The following ENPP2 variants were observed in gnomAD, a reference collection of about 807,000 sequenced individuals.
The protein encoded by ENPP2 is ectonucleotide pyrophosphatase/phosphodiesterase 2, also known as autotaxin.
ENPP2 carries 51 observed loss-of-function variants against 120.2 expected under a neutral mutation model. The ratio of observed to expected loss-of-function variants is 0.42; its 90% CI spans 0.34 to 0.54. The LOEUF (loss-of-function observed/expected upper bound fraction) is 0.54, where lower values mean the gene tolerates loss of function less well. Among genes scored for constraint, ENPP2 ranks in the 20% least tolerant of loss-of-function variants. The pLI is 0.04. For missense variants in ENPP2, 920 were observed against 1,066.5 expected, an observed-to-expected ratio of 0.86 and a Z score of 1.91; for synonymous variants, 365 against 366.4, an observed-to-expected ratio of 1.00 and a Z score of 0.04.
At chr8:119,594,667 C>T (rs1054236097) in intron 11 of ENPP2, among the ~76,000 whole-genome samples, 1 of 152,178 alleles carries the variant, frequency 6.6e-6, no homozygotes, top group African/African-American at 2.4e-5. Flanking sequence ...TAGAGGCTCT[C>T]CATCCCCCTT....
intron 4 of ENPP2, among the ~76,000 whole-genome samples, chr8:119,620,488 G>A (rs1815812306): frequency 6.6e-6 from 1 of 152,124 alleles, no homozygotes; most frequent in South Asian, 2.1e-4. Context: ...ACATATTGCA[G>A]AAGTAACTTG....
intron 1 of ENPP2, among the ~76,000 whole-genome samples, chr8:119,644,283 A>G (rs1413154919): frequency 6.6e-6 from 1 of 151,988 alleles, no homozygotes; most frequent in Admixed American, 6.6e-5. Flanking sequence ...GACAGCTTAC[A>G]CAGAGGAGGC....
chr8:119,641,602 A>C (rs7840386), upstream of ENPP2, among the ~76,000 whole-genome samples: 51,597 of 152,102 alleles, frequency 0.34, 10,884 homozygotes, highest in African/African-American at 0.59. Context: ...AGAAACAAAT[A>C]TTTGTCAACA....
Position 119,617,160 on chromosome 8 carries a change from T to G in ENPP2, c.657+4A>C, listed in dbSNP as rs371592955. The G allele has an allele frequency of 8.1e-6, 13 of 1,596,620 alleles. No homozygotes were observed. The highest frequency in any genetic ancestry group is 1.1e-5 in the Non-Finnish European group (13 of 1,164,126). On this transcript the variant is annotated splice_donor_region_variant and intron_variant, in intron 7 of 24. Coordinates refer to ENST00000075322, the MANE Select transcript of ENPP2 (RefSeq NM_001040092.3). Reference sequence around the variant, plus strand: ...GAATGTGTATCATTCGAAAAAATACTTACAGTGGCCAAAGTGTATAAGTTA... The same window carrying G: ...GAATGTGTATCATTCGAAAAAATACGTACAGTGGCCAAAGTGTATAAGTTA...
chr8:119,587,123 C>A, intron 13 of ENPP2, 48 bp from the exon 14 acceptor site: 1 of 1,481,084 alleles, frequency 6.8e-7, no homozygotes, highest in Non-Finnish European at 9.3e-7. Flanking sequence ...CAACCATTAC[C>A]AAGAGAAATC....
chr8:119,573,033 G>A (rs1642812450), intron 19 of ENPP2: 1 of 152,222 alleles, frequency 6.6e-6, no homozygotes, highest in Non-Finnish European at 1.5e-5. Context: ...GCTCAAAAGT[G>A]TATGACAAAT....
chr8:119,573,675 G>C (rs1383912700), intron 19 of ENPP2, among the ~76,000 whole-genome samples: 1 of 152,084 alleles, frequency 6.6e-6, no homozygotes, highest in African/African-American at 2.4e-5. Flanking sequence ...AGCCAGGCAT[G>C]GTAGCACACG....
At position 119,621,455 on chromosome 8, in the gene ENPP2, G is replaced by C; in HGVS notation, c.357C>G (p.His119Gln). The change falls in exon 4 of 25, where the codon CAC becomes CAG. Residue 119 changes from histidine (H) to glutamine (Q), a missense_variant. By Grantham distance (24) the His-to-Gln change is conservative. Coordinates refer to ENST00000075322, the MANE Select transcript of ENPP2 (RefSeq NM_001040092.3). ...GEVRNEENACHCSEDCLARGD... is the reference protein window; with the variant it reads ...GEVRNEENACQCSEDCLARGD... ...CCCTGGCCAAGCAGTCCTCTGAGCA[G>C]TGACAGGCATTTTCTTCATTTCTGA... The C allele has an allele frequency of 3.7e-6, 6 of 1,613,432 alleles. No homozygotes were observed. The highest frequency in any genetic ancestry group is 5.1e-6 in the Non-Finnish European group (6 of 1,179,430).
chr8:119,582,719 T>G, intron 17 of ENPP2, 117 bp from the exon 18 acceptor site: 4 of 748,290 alleles, frequency 5.3e-6, no homozygotes, highest in Non-Finnish European at 8.9e-6. Context: ...AAATCAGAAC[T>G]GGACAAAACC....
At chr8:119,639,485 TTATCA>T (rs1278591241), upstream of ENPP2, among the ~76,000 whole-genome samples, 1 of 152,196 alleles carries the variant, frequency 6.6e-6, no homozygotes, top group African/African-American at 2.4e-5. Context: ...GAAGTAACTT[TTATCA>T]AAATACTGGA....
Position 119,664,669 on chromosome 8 carries a change from C to T in ENPP2, c.21+8583G>A, listed in dbSNP as rs552198127. 4.6e-5 allele frequency among the ~76,000 whole-genome samples: 7 copies of T among 152,206 alleles called. No homozygotes were observed. In the East Asian group the frequency reaches 5.8e-4, roughly 13 times the overall value. On this transcript the variant is annotated intron_variant, in intron 1 of 25. Transcript: ENST00000427067. Reference sequence around the variant, plus strand: ...CACAATGAAATGTATCAGCTAGGCACGGTGGCTCACACCTGTTACCCCAGC... The same window carrying T: ...CACAATGAAATGTATCAGCTAGGCATGGTGGCTCACACCTGTTACCCCAGC...
upstream of ENPP2, among the ~76,000 whole-genome samples, chr8:119,639,086 T>C (rs1302047314): frequency 6.6e-6 from 1 of 152,196 alleles, no homozygotes; most frequent in Non-Finnish European, 1.5e-5. Context: ...CCGTGGCCCA[T>C]AACAGTGCAT....
Position 119,563,020 on chromosome 8 carries a change from C to T in ENPP2, c.2265-7G>A. The T allele has an allele frequency of 6.2e-7, 1 of 1,611,206 alleles. No homozygotes were observed. Among genetic ancestry groups the T allele is most frequent in the Non-Finnish European group, 8.5e-7 (1 of 1,178,280 alleles). On this transcript the variant is annotated splice_region_variant and splice_polypyrimidine_tract_variant and intron_variant, in intron 23 of 24. Coordinates refer to ENST00000075322, the MANE Select transcript of ENPP2 (RefSeq NM_001040092.3). Reference sequence around the variant, plus strand: ...GGAACTGCCTTCCACGTACCTGAAACAGGAAGGTAAAACGAAGTCACAGTT... The same window carrying T: ...GGAACTGCCTTCCACGTACCTGAAATAGGAAGGTAAAACGAAGTCACAGTT...
intron 9 of ENPP2, among the ~76,000 whole-genome samples, chr8:119,605,980 T>TA (rs1246034006): frequency 6.6e-6 from 1 of 152,204 alleles, no homozygotes; most frequent in East Asian, 1.9e-4. Flanking sequence ...TACTATCATT[T>TA]AAAAGGCAAG....
rs1813580862 is a variant in ENPP2, at chr8:119,557,749, T to G, written c.2422-58A>C. 13 of 1,443,302 alleles carry G rather than the reference T, an allele frequency of 9.0e-6. No homozygotes were observed. In the South Asian group the frequency reaches 1.4e-4, roughly 15 times the overall value. The allele number at this position is 1,443,302 out of a possible 1,614,324, so 89.4% of individuals were successfully genotyped here. A position where few individuals can be genotyped will look rare whatever the true frequency, so the allele number is the denominator to read the frequency against. On this transcript the variant is annotated intron_variant, in intron 24 of 24. Coordinates refer to ENST00000075322, the MANE Select transcript of ENPP2 (RefSeq NM_001040092.3). ...AATTTTCCAGAGGAGTTTCTCCAAA[T>G]GGTCAGTTTACTCCAAGTCCACAAA...
chr8:119,616,215 C>G lies in ENPP2; in HGVS notation c.777+50G>C, dbSNP rs766801407. On this transcript the variant is annotated intron_variant, in intron 8 of 24. Transcript: ENST00000075322. ...TAACAAATTTGGGGATGAAATGTCT[C>G]AATACATGAACACACAAACACATAG... The G allele has an allele frequency of 2.0e-6, 3 of 1,516,178 alleles. No homozygotes were observed. In the East Asian group the frequency reaches 7.0e-5, roughly 35 times the overall value. 93.9% of individuals were successfully genotyped at this position (1,516,178 alleles called of 1,614,324 possible). A position where few individuals can be genotyped will look rare whatever the true frequency, so the allele number is the denominator to read the frequency against.
intron 24 of ENPP2, among the ~76,000 whole-genome samples, chr8:119,559,516 A>G (rs1276037762): frequency 6.6e-6 from 1 of 152,138 alleles, no homozygotes; most frequent in Non-Finnish European, 1.5e-5. Context: ...CGGTTCTCAC[A>G]CTCTGAAATC....
rs1359809026 is a variant in ENPP2 at position 119,645,746 on chromosome 8, T to G, written c.22-7219A>C. 2.2e-5 allele frequency among the ~76,000 whole-genome samples: 3 copies of G among 139,492 alleles called. No individual in the cohort carries two copies. The Admixed American group carries it at 2.3e-4, about 11-fold the overall frequency. The allele number at this position is 139,492 out of a possible 152,430, so 91.5% of individuals were successfully genotyped here. ...AGGAGAATCGCTTGAACCCGGGGAG[T>G]GGAGGTTGAGCTGAGCTGAGATCGC... On this transcript the variant is annotated intron_variant, in intron 1 of 25. Transcript: ENST00000427067.
At chr8:119,612,434 CT>C (rs1815174688) in intron 8 of ENPP2, among the ~76,000 whole-genome samples, 3 of 152,214 alleles carry the variant, frequency 2.0e-5, no homozygotes, top group Admixed American at 2.0e-4. Flanking sequence ...AAAGTCACCC[CT>C]ATTCTGTGTC....
Sources: gnomAD v4.1 joint callset for allele counts (sites outside exome capture counted in the v4.1 genomes callset) on GRCh38, gnomAD v4.1.1 for gene constraint, MANE v1.5 for transcripts, NCBI Gene and HGNC (gene_info 2026-07-23, HGNC 2026-07-21) for gene names.